FNBP1: variants seen among roughly 807,000 people sequenced by gnomAD.
FNBP1 encodes the protein formin binding protein 1.
FNBP1 carries 26 observed loss-of-function variants against 90.6 expected under a neutral mutation model. The ratio of observed to expected loss-of-function variants is 0.29; its 90% confidence interval spans 0.21 to 0.40. The LOEUF is 0.40. Ranked by LOEUF, FNBP1 falls within the 10% of genes least tolerant of loss-of-function variation. FNBP1 has a pLI of 1.00. For missense variants in FNBP1, 635 were observed against 768.0 expected (o/e 0.83, Z 2.05); for synonymous variants, 260 against 265.2 (o/e 0.98, Z 0.19).
chr9:130,011,418 A>G (rs1230178840), intron 1 of FNBP1, among the ~76,000 whole-genome samples: 3 of 151,874 alleles, frequency 2.0e-5, no homozygotes, highest in African/African-American at 7.3e-5. Flanking sequence ...TGTATCCTCC[A>G]AAAGTCATGC....
intron 10 of FNBP1, among the ~76,000 whole-genome samples, chr9:129,918,821 A>G (rs545339006): frequency 3.8e-4 from 58 of 151,788 alleles, no homozygotes; most frequent in African/African-American, 1.4e-3. Context: ...GACATCTCAG[A>G]CGGCAGTCAC....
At chr9:130,040,111 GTC>G (rs1200873327) in intron 1 of FNBP1, among the ~76,000 whole-genome samples, 2 of 151,870 alleles carry the variant, frequency 1.3e-5, no homozygotes, top group African/African-American at 4.8e-5. Context: ...ACATCACCAA[GTC>G]TCTGACCACC....
At chr9:129,906,428 A>T (rs570778375) in intron 12 of FNBP1, among the ~76,000 whole-genome samples, 22 of 152,134 alleles carry the variant, frequency 1.4e-4, no homozygotes, top group African/African-American at 4.8e-4. Flanking sequence ...ACCCAGTGGG[A>T]AGTAATTGAA....
chr9:130,023,744 TC>T, intron 1 of FNBP1, among the ~76,000 whole-genome samples: 1 of 152,246 alleles, frequency 6.6e-6, no homozygotes, highest in South Asian at 2.1e-4. Context: ...GCCTACAGGA[TC>T]CCATGGAAAC....
chr9:130,007,419 T>C (rs915576209), intron 1 of FNBP1, among the ~76,000 whole-genome samples: 1 of 152,104 alleles, frequency 6.6e-6, no homozygotes, highest in Non-Finnish European at 1.5e-5. Flanking sequence ...GACTAATGAA[T>C]GCAGCGGTGC....
At position 129,957,303 on chromosome 9, in the gene FNBP1, G is replaced by A; in HGVS notation, c.513+57C>T. 8.0e-7 allele frequency: 1 copy of A among 1,252,280 alleles called. No individual in the cohort carries two copies. The highest frequency in any genetic ancestry group is 1.2e-6 in the Non-Finnish European group (1 of 858,504). 77.6% of individuals were successfully genotyped at this position (1,252,280 alleles called of 1,614,324 possible). ...TCCGCTCACCTCAGCCTCCCAAAGTGCTGGGATTACAGGCGTGAGCCACCG... is the reference window on the plus strand; with the variant it reads ...TCCGCTCACCTCAGCCTCCCAAAGTACTGGGATTACAGGCGTGAGCCACCG... On this transcript the variant is annotated intron_variant, in intron 6 of 16. Transcript: ENST00000446176. This position sits in a 1 kb window ranked among gnomAD's most constrained non-coding sequence, Gnocchi z 4.3.
chr9:129,958,367 G>GCT, intron 5 of FNBP1, 124 bp downstream of exon 5: 3 of 680,488 alleles, frequency 4.4e-6, no homozygotes, highest in Non-Finnish European at 7.5e-6. Flanking sequence ...GGGAAGCAGA[G>GCT]GTTACAGTGA....
intron 6 of FNBP1, among the ~76,000 whole-genome samples, chr9:129,951,682 C>T (rs896000633): frequency 1.9e-4 from 29 of 151,896 alleles, no homozygotes; most frequent in Non-Finnish European, 3.1e-4. Context: ...TGGGCTTAAG[C>T]GATCCTCCCG....
rs191586826 is a variant in FNBP1, at chr9:129,957,160, C to T, written c.513+200G>A. On this transcript the variant is annotated intron_variant, in intron 6 of 16. Coordinates refer to ENST00000446176, the MANE Select transcript of FNBP1 (RefSeq NM_015033.3). The surrounding 1 kb of genome is among the most constrained non-coding windows in gnomAD (Gnocchi z 4.3). ...TCAAGCGATTCTCCTGCCTCAGCCT[C>T]CCTAGTAGTTGGGATTATAGGTGCC... is the stretch of plus-strand genomic sequence containing the variant. Among the ~76,000 whole-genome samples, 321 of 151,810 alleles carry T rather than the reference C, an allele frequency of 2.1e-3. No homozygotes were observed. The highest frequency in any genetic ancestry group is 7.5e-3 in the African/African-American group (310 of 41,360).
chr9:129,973,736 C>T (rs946128007), intron 4 of FNBP1, among the ~76,000 whole-genome samples: 3 of 151,234 alleles, frequency 2.0e-5, no homozygotes, highest in Non-Finnish European at 4.4e-5. Flanking sequence ...ATCTCCTGAC[C>T]TCATGATCCG....
intron 4 of FNBP1, among the ~76,000 whole-genome samples, chr9:129,972,525 TTTTC>T (rs2049629957): frequency 6.6e-6 from 1 of 150,584 alleles, no homozygotes; most frequent in African/African-American, 2.4e-5. Flanking sequence ...ACATGCTCCG[TTTTC>T]TTTTTCTTTT....
chr9:130,030,711 C>T (rs762282568), intron 1 of FNBP1, among the ~76,000 whole-genome samples: 2 of 152,158 alleles, frequency 1.3e-5, no homozygotes, highest in South Asian at 2.1e-4. Flanking sequence ...CGAGAACGTA[C>T]GGATCAGCCA....
rs1193930451 is a variant in FNBP1 at position 129,890,261 on chromosome 9, C to T, written c.*278G>A. On this transcript the variant is annotated 3_prime_UTR_variant, in exon 17 of 17. Coordinates refer to ENST00000446176, the MANE Select transcript of FNBP1 (RefSeq NM_015033.3). The surrounding 1 kb of genome is among the most constrained non-coding windows in gnomAD (Gnocchi z 5.8). Reference sequence around the variant, plus strand: ...GAGCAGGTAGGGGCGTGTGTCCCACCGTCTCAGTGGCCTGCGCGGGGTGGG... The same window carrying T: ...GAGCAGGTAGGGGCGTGTGTCCCACTGTCTCAGTGGCCTGCGCGGGGTGGG... 8 of 516,616 alleles carry T rather than the reference C, an allele frequency of 1.5e-5. No homozygotes were observed. Among genetic ancestry groups the T allele is most frequent in the East Asian group, 3.2e-5 (1 of 30,878 alleles). The allele number at this position is 516,616 out of a possible 1,614,324, so 32.0% of individuals were successfully genotyped here. A position where few individuals can be genotyped will look rare whatever the true frequency, so the allele number is the denominator to read the frequency against.
chr9:129,941,517 G>A (rs1013293967), intron 6 of FNBP1, among the ~76,000 whole-genome samples: 2 of 152,174 alleles, frequency 1.3e-5, no homozygotes, highest in Non-Finnish European at 2.9e-5. Context: ...CCAGGATGGA[G>A]TGCAGTGGTA....
chr9:129,898,387 C>A (rs1006269399), intron 15 of FNBP1, among the ~76,000 whole-genome samples: 1 of 152,122 alleles, frequency 6.6e-6, no homozygotes, highest in African/African-American at 2.4e-5. Context: ...TCTGGCCACA[C>A]CCCCCATGCC....
chr9:129,900,413 G>A lies in FNBP1; in HGVS notation c.1550+13C>T, dbSNP rs1388445174. 2 of 1,559,762 alleles carry A rather than the reference G, an allele frequency of 1.3e-6. No homozygotes were observed. The highest frequency in any genetic ancestry group is 1.2e-5 in the South Asian group (1 of 82,544). ...CTCCCTTGCCAGAGGCAGGCGCTGT[G>A]CAGATACTGTACCTCTCACGGTCCT... On this transcript the variant is annotated intron_variant, in intron 14 of 16. Coordinates refer to ENST00000446176, the MANE Select transcript of FNBP1 (RefSeq NM_015033.3). This position sits in a 1 kb window ranked among gnomAD's most constrained non-coding sequence, Gnocchi z 4.1.
chr9:129,953,742 T>G (rs2046512127), intron 6 of FNBP1, among the ~76,000 whole-genome samples: 1 of 148,328 alleles, frequency 6.7e-6, no homozygotes, highest in South Asian at 2.1e-4. Context: ...GAAGAAAGAC[T>G]GAGGTAAGCA....
At chr9:130,025,417 G>A (rs960314400) in intron 1 of FNBP1, among the ~76,000 whole-genome samples, 5 of 152,104 alleles carry the variant, frequency 3.3e-5, no homozygotes, top group African/African-American at 1.2e-4. Flanking sequence ...ATCGTCTATT[G>A]TAATTGGCAT....
intron 7 of FNBP1, 90 bp downstream of exon 7, chr9:129,929,477 T>A (rs549056776): frequency 6.2e-6 from 6 of 964,230 alleles, no homozygotes; most frequent in South Asian, 1.5e-5. Context: ...AGACTCAGAA[T>A]ACAAACCCAG....
Sources: allele counts gnomAD v4.1 joint callset (sites outside exome capture counted in the v4.1 genomes callset), GRCh38; gene constraint gnomAD v4.1.1; non-coding constraint Gnocchi (gnomAD v3.1); transcripts MANE v1.5; gene names NCBI Gene and HGNC (gene_info 2026-07-23, HGNC 2026-07-21).